MMP16: variants seen among roughly 807,000 people sequenced by gnomAD.
MMP16 encodes matrix metallopeptidase 16, also known as matrix metalloproteinase-16.
MMP16 carries 12 observed loss-of-function variants against 67.8 expected under a neutral mutation model. The observed-to-expected ratio is 0.18, with a 90% CI of 0.11 to 0.29. The LOEUF (loss-of-function observed/expected upper bound fraction) is 0.29. MMP16 is among the 10% of genes least tolerant of loss of function. The probability of loss-of-function intolerance (pLI) is 1.00; values close to 1 mark genes in which losing one functional copy is unlikely to be tolerated. For missense variants in MMP16, 475 were observed against 765.7 expected, an observed-to-expected ratio of 0.62 and a Z score of 4.48; for synonymous variants, 249 against 255.9, an observed-to-expected ratio of 0.97 and a Z score of 0.26.
At chr8:88,099,424 A>C (rs1809094544) in intron 6 of MMP16, among the ~76,000 whole-genome samples, 1 of 151,932 alleles carries the variant, frequency 6.6e-6, no homozygotes, top group South Asian at 2.1e-4. Flanking sequence ...ACATAAAAGT[A>C]TCATACATTT....
At chr8:88,093,592 G>GTAT (rs757873284) in intron 6 of MMP16, among the ~76,000 whole-genome samples, 7 of 151,722 alleles carry the variant, frequency 4.6e-5, no homozygotes, top group Non-Finnish European at 8.8e-5. Context: ...CTACCTTAAT[G>GTAT]TTGTTTGGTA....
At chr8:88,294,932 C>G (rs1026390833) in intron 1 of MMP16, among the ~76,000 whole-genome samples, 7 of 152,154 alleles carry the variant, frequency 4.6e-5, no homozygotes, top group African/African-American at 1.2e-4. Context: ...AGGCTGGCCT[C>G]GCACTCCTGA....
chr8:88,303,936 C>G (rs1407545315), intron 1 of MMP16, among the ~76,000 whole-genome samples: 1 of 152,180 alleles, frequency 6.6e-6, no homozygotes, highest in African/African-American at 2.4e-5. Context: ...CAGAACTGGG[C>G]TGAGGCTGAG....
chr8:88,178,386 CAAACAG>C (rs1808926854), intron 3 of MMP16, among the ~76,000 whole-genome samples: 1 of 151,982 alleles, frequency 6.6e-6, no homozygotes, highest in Non-Finnish European at 1.5e-5. Context: ...GAGAAGAATC[CAAACAG>C]AAATTAAGAA....
In MMP16 at chr8:88,265,097, A is replaced by G. The variant is rs181360601; in HGVS notation, c.132+61978T>C. On this transcript the variant is annotated intron_variant, in intron 1 of 9. Coordinates refer to ENST00000286614, the MANE Select transcript of MMP16 (RefSeq NM_005941.5). Reference sequence around the variant, plus strand: ...TACCTAAAAACCCTTTGCTGTAAGCAGAATCCTTTTACGTTACTGCAGAAA... The same window carrying G: ...TACCTAAAAACCCTTTGCTGTAAGCGGAATCCTTTTACGTTACTGCAGAAA... Among the ~76,000 whole-genome samples the G allele has an allele frequency of 3.1e-3, 471 of 152,334 alleles. 3 individuals carry two copies. Among genetic ancestry groups the G allele is most frequent in the African/African-American group, 0.011 (448 of 41,568 alleles).
intron 1 of MMP16, among the ~76,000 whole-genome samples, chr8:88,253,521 C>G (rs541048036): frequency 2.0e-5 from 3 of 152,014 alleles, no homozygotes; most frequent in Admixed American, 6.6e-5. Context: ...AACCTACAAC[C>G]CCAGTCTAAT....
At chr8:88,257,481 T>C (rs983276486) in intron 1 of MMP16, among the ~76,000 whole-genome samples, 2 of 152,226 alleles carry the variant, frequency 1.3e-5, no homozygotes, top group Non-Finnish European at 2.9e-5. Flanking sequence ...TTACAATTAC[T>C]TTTGCCTTTT....
intron 6 of MMP16, among the ~76,000 whole-genome samples, chr8:88,098,100 G>T (rs943575984): frequency 6.6e-6 from 1 of 151,950 alleles, no homozygotes; most frequent in African/African-American, 2.4e-5. Context: ...ATGACCCAAA[G>T]AACTCACTGA....
rs1166681727 is a variant in MMP16 at position 88,327,332 on chromosome 8, C to G, written c.-126G>C. 1 of 1,285,252 alleles carries G rather than the reference C, an allele frequency of 7.8e-7. No homozygotes were observed. Among genetic ancestry groups the G allele is most frequent in the Non-Finnish European group, 1.1e-6 (1 of 925,986 alleles). The allele number at this position is 1,285,252 out of a possible 1,614,324, so 79.6% of individuals were successfully genotyped here. A position where few individuals can be genotyped will look rare whatever the true frequency, so the allele number is the denominator to read the frequency against. On this transcript the variant is annotated 5_prime_UTR_variant, in exon 1 of 10. Coordinates refer to ENST00000286614, the MANE Select transcript of MMP16 (RefSeq NM_005941.5). ...TGGGTAAGGAGCCTGCAGGTTCACC[C>G]ACAGCCGGGCAAGGGGAGGAGACAG...
chr8:88,105,904 CTTTAAT>C (rs1809230060), intron 6 of MMP16, among the ~76,000 whole-genome samples: 2 of 151,012 alleles, frequency 1.3e-5, no homozygotes, highest in South Asian at 2.1e-4. Flanking sequence ...TAAAAATAAT[CTTTAAT>C]TTTATCATCC....
At chr8:88,061,059 C>T (rs1267325237) in intron 7 of MMP16, among the ~76,000 whole-genome samples, 2 of 150,820 alleles carry the variant, frequency 1.3e-5, no homozygotes, top group Non-Finnish European at 2.9e-5. Context: ...TTATATTTAA[C>T]CAAGTGTTGG....
At chr8:88,126,580 G>T (rs1290562747) in intron 4 of MMP16, among the ~76,000 whole-genome samples, 1 of 151,170 alleles carries the variant, frequency 6.6e-6, no homozygotes, top group African/African-American at 2.4e-5. Context: ...ACCAGAAAAA[G>T]AAAAATGGTG....
intron 1 of MMP16, among the ~76,000 whole-genome samples, chr8:88,248,080 C>G (rs1810148490): frequency 6.6e-6 from 1 of 151,958 alleles, no homozygotes; most frequent in Non-Finnish European, 1.5e-5. Flanking sequence ...TACACCTCCC[C>G]AAAACTGAGA....
chr8:88,042,661 G>A (rs569265667), intron 9 of MMP16, among the ~76,000 whole-genome samples: 3 of 152,154 alleles, frequency 2.0e-5, no homozygotes, highest in Admixed American at 1.3e-4. Context: ...TATTTCATGG[G>A]GAGGAGGTGG....
chr8:88,080,086 C>A (rs1808720234), intron 6 of MMP16, among the ~76,000 whole-genome samples: 1 of 152,176 alleles, frequency 6.6e-6, no homozygotes, highest in Non-Finnish European at 1.5e-5. Flanking sequence ...GACGTCATTT[C>A]TTCCACCTAC....
chr8:88,216,871 T>C (rs1170972371), intron 1 of MMP16, among the ~76,000 whole-genome samples: 1 of 152,122 alleles, frequency 6.6e-6, no homozygotes, highest in African/African-American at 2.4e-5. Flanking sequence ...TTGTCAATAA[T>C]AACAATTTTA....
At chr8:88,298,466 G>T (rs1168181739) in intron 1 of MMP16, among the ~76,000 whole-genome samples, 1 of 152,166 alleles carries the variant, frequency 6.6e-6, no homozygotes, top group Non-Finnish European at 1.5e-5. Flanking sequence ...AATCCTTCAG[G>T]AAATTCTACA....
At chr8:88,153,349 G>C (rs1330392229) in intron 4 of MMP16, among the ~76,000 whole-genome samples, 1 of 151,970 alleles carries the variant, frequency 6.6e-6, no homozygotes, top group African/African-American at 2.4e-5. Flanking sequence ...TTTCTTCACA[G>C]AATTGGAAAA....
Position 88,116,602 on chromosome 8 carries a change from T to C in MMP16, c.988A>G (p.Thr330Ala), listed in dbSNP as rs1809439254. Residue 330 changes from threonine to alanine, a missense_variant, in exon 6 of 10, where the codon ACC (threonine) becomes GCC (alanine). Transcript: ENST00000286614. ...GCTCCGGGATAGGAGGGTCTGCCGG[T>C]TGGAGGCCGAGGAGGTTTTGGCCTG... Reference protein sequence around the residue: ...NDRPKPPRPPTGRPSYPGAKP... With the variant: ...NDRPKPPRPPAGRPSYPGAKP... The C allele has an allele frequency of 1.2e-6, 2 of 1,613,824 alleles. No homozygotes were observed. The highest frequency in any genetic ancestry group is 2.2e-5 in the East Asian group (1 of 44,798).
Sources: gnomAD v4.1 joint callset for allele counts (sites outside exome capture counted in the v4.1 genomes callset) on GRCh38, gnomAD v4.1.1 for gene constraint, MANE v1.5 for transcripts, NCBI Gene and HGNC (gene_info 2026-07-23, HGNC 2026-07-21) for gene names.